The following TRIM74 variants were observed in gnomAD, a reference collection of about 807,000 sequenced individuals.
TRIM74 encodes the protein tripartite motif-containing protein 74.
TRIM74 carries 3 observed loss-of-function variants against 14.5 expected under a neutral mutation model. The ratio of observed to expected loss-of-function variants is 0.21; its 90% CI spans 0.09 to 0.53. The LOEUF is 0.53. Ranked by LOEUF, TRIM74 falls within the 20% of genes least tolerant of loss-of-function variation. The pLI, the probability that TRIM74 is intolerant of heterozygous loss-of-function variation, is 0.95. For missense variants in TRIM74, 26 were observed against 174.0 expected, an observed-to-expected ratio of 0.15 and a Z score of 4.79; for synonymous variants, 10 against 71.3, an observed-to-expected ratio of 0.14 and a Z score of 4.33.
At chr7:72,963,790 T>G (rs2129582364) in intron 2 of TRIM74, among the ~76,000 whole-genome samples, 1 of 125,866 alleles carries the variant, frequency 7.9e-6, no homozygotes, top group African/African-American at 2.9e-5. Flanking sequence ...ACAGACAATC[T>G]CCCAGCCTGT....
chr7:72,955,817 G>A (rs1440512548), downstream of TRIM74, among the ~76,000 whole-genome samples: 11 of 130,266 alleles, frequency 8.4e-5, no homozygotes, highest in Non-Finnish European at 4.8e-5. Context: ...GACTACAGAC[G>A]TGCACCACCA....
At chr7:72,969,628 A>G, upstream of TRIM74, 5 of 1,531,400 alleles carry the variant, frequency 3.3e-6, no homozygotes, top group Non-Finnish European at 4.4e-6. Context: ...CGCGAGGGCC[A>G]GGGCCGTTGG....
downstream of TRIM74, among the ~76,000 whole-genome samples, chr7:72,956,556 AG>A (rs1798098185): frequency 2.7e-5 from 4 of 150,876 alleles, no homozygotes; most frequent in South Asian, 8.4e-4. Flanking sequence ...CTCAGGAAAA[AG>A]GACAGGTCGA....
intron 3 of TRIM74, among the ~76,000 whole-genome samples, chr7:72,960,491 GTTTTAAT>G (rs1798170813): frequency 6.8e-4 from 1 of 1,466 alleles, no homozygotes; most frequent in African/African-American, 3.6e-3. Flanking sequence ...GCTTTGGCCT[GTTTTAAT>G]TTTTAATTTT....
upstream of TRIM74, chr7:72,969,593 G>A (rs1798384551): frequency 2.7e-6 from 4 of 1,475,974 alleles, no homozygotes; most frequent in South Asian, 1.2e-5. Context: ...GCAACTCACC[G>A]TGCGACCTCT....
downstream of TRIM74, among the ~76,000 whole-genome samples, chr7:72,955,124 TCA>T (rs1798070528): frequency 1.6e-5 from 2 of 123,518 alleles, no homozygotes; most frequent in Non-Finnish European, 3.3e-5. Context: ...TTTTTTTTTT[TCA>T]GACAAAAAGA....
chr7:72,967,246 T>C (rs1228086248), intron 1 of TRIM74, among the ~76,000 whole-genome samples: 1 of 100,856 alleles, frequency 9.9e-6, no homozygotes, highest in East Asian at 2.2e-4. Flanking sequence ...TATCCTTTTT[T>C]GGGGGGGGTG....
intron 2 of TRIM74, among the ~76,000 whole-genome samples, chr7:72,963,918 C>G (rs1207287339): frequency 1.7e-4 from 9 of 53,778 alleles, no homozygotes; most frequent in African/African-American, 4.7e-4. Context: ...GTTCTTACTG[C>G]TACATTTAAC....
chr7:72,963,451 C>T (rs1274095254), intron 2 of TRIM74, among the ~76,000 whole-genome samples: 1 of 148,498 alleles, frequency 6.7e-6, no homozygotes, highest in Non-Finnish European at 1.5e-5. Flanking sequence ...AATCAATGCA[C>T]CCATCAATCG....
intron 2 of TRIM74, among the ~76,000 whole-genome samples, chr7:72,962,882 A>G (rs1441731895): frequency 3.1e-5 from 3 of 97,108 alleles, no homozygotes; most frequent in South Asian, 4.3e-4. Flanking sequence ...TGTGGTCACC[A>G]GCAGATCCAG....
At chr7:72,967,252 G>GC (rs1489013947) in intron 1 of TRIM74, among the ~76,000 whole-genome samples, 1 of 148,272 alleles carries the variant, frequency 6.7e-6, no homozygotes, top group Non-Finnish European at 1.5e-5. Flanking sequence ...TTTTTGGGGG[G>GC]GGTGGGGGGC....
At chr7:72,955,508 C>T (rs1445373031), downstream of TRIM74, among the ~76,000 whole-genome samples, 1 of 144,594 alleles carries the variant, frequency 6.9e-6, no homozygotes, top group African/African-American at 2.6e-5. Flanking sequence ...CTAGCAACTC[C>T]AGGTCCACAA....
intron 1 of TRIM74, among the ~76,000 whole-genome samples, chr7:72,967,131 G>A (rs1334951722): frequency 2.0e-5 from 3 of 152,312 alleles, no homozygotes; most frequent in African/African-American, 7.2e-5. Context: ...GTGGAGGAGG[G>A]GCAGAAACAG....
chr7:72,963,536 T>A (rs1322556695), intron 2 of TRIM74, among the ~76,000 whole-genome samples: 6 of 142,768 alleles, frequency 4.2e-5, no homozygotes, highest in Non-Finnish European at 9.3e-5. Context: ...GCAATTTAGT[T>A]GTATTCTGTG....
At chr7:72,955,288 G>C (rs1481081612), downstream of TRIM74, among the ~76,000 whole-genome samples, 1 of 125,642 alleles carries the variant, frequency 8.0e-6, no homozygotes, top group Non-Finnish European at 1.6e-5. Flanking sequence ...GTAGAGACGG[G>C]GTTTCACCAT....
At chr7:72,955,403 T>C (rs527965968), downstream of TRIM74, among the ~76,000 whole-genome samples, 2 of 127,926 alleles carry the variant, frequency 1.6e-5, no homozygotes, top group African/African-American at 6.3e-5. Flanking sequence ...GCCATAATTA[T>C]GTGTCTCTGT....
downstream of TRIM74, among the ~76,000 whole-genome samples, chr7:72,955,124 T>TTTTTTTC (rs782166604): frequency 1.6e-5 from 2 of 123,540 alleles, no homozygotes; most frequent in African/African-American, 6.2e-5. Flanking sequence ...TTTTTTTTTT[T>TTTTTTTC]CAGACAAAAA....
At chr7:72,967,245 T>TA (rs1441686093) in intron 1 of TRIM74, among the ~76,000 whole-genome samples, 3 of 116,524 alleles carry the variant, frequency 2.6e-5, no homozygotes, top group African/African-American at 1.1e-4. Context: ...ATATCCTTTT[T>TA]TGGGGGGGGT....
chr7:72,962,630 C>T (rs1387770805), intron 2 of TRIM74, among the ~76,000 whole-genome samples: 3 of 74,282 alleles, frequency 4.0e-5, no homozygotes, highest in South Asian at 5.1e-4. Flanking sequence ...TGCAGTGAGC[C>T]GAGATCGCCC....
Sources: gnomAD v4.1 joint callset for allele counts (sites outside exome capture counted in the v4.1 genomes callset) on GRCh38, gnomAD v4.1.1 for gene constraint, MANE v1.5 for transcripts, NCBI Gene and HGNC (gene_info 2026-07-23, HGNC 2026-07-21) for gene names.